RB1: variants seen among roughly 807,000 people sequenced by gnomAD.
RB1 encodes the protein retinoblastoma-associated protein.
In RB1, 18 loss-of-function variants were observed where a neutral mutation model predicts 135.4. The observed-to-expected ratio is 0.13, with a 90% confidence interval of 0.09 to 0.20. The LOEUF (loss-of-function observed/expected upper bound fraction) is 0.20, where lower values mean the gene tolerates loss of function less well. RB1 is among the 10% of genes least tolerant of loss of function. The pLI, the probability that RB1 is intolerant of heterozygous loss-of-function variation, is 1.00. For missense variants in RB1, 868 were observed against 1,110.0 expected (o/e 0.78, Z 3.10); for synonymous variants, 365 against 373.2 (o/e 0.98, Z 0.25).
At chr13:48,317,591 C>T (rs1952197325) in intron 2 of RB1, 1 of 437,780 alleles carries the variant, frequency 2.3e-6, no homozygotes, top group Admixed American at 3.4e-5. Flanking sequence ...TGCTCGGCCC[C>T]TCGTGAGCGC....
At chr13:48,403,438 T>G (rs571826035) in intron 17 of RB1, among the ~76,000 whole-genome samples, 2 of 152,024 alleles carry the variant, frequency 1.3e-5, no homozygotes, top group African/African-American at 4.8e-5. Flanking sequence ...TTCATTTTTT[T>G]AGTATAAAAA....
chr13:48,437,254 A>G (rs1851022946), intron 17 of RB1, among the ~76,000 whole-genome samples: 1 of 152,254 alleles, frequency 6.6e-6, no homozygotes, highest in Non-Finnish European at 1.5e-5. Context: ...GTAGATAAGT[A>G]ATAACATGAG....
rs1270702085 is a variant in RB1, at chr13:48,368,570, G to A, written c.1093G>A (p.Glu365Lys). Residue 365 changes from glutamate (E) to lysine (K), a missense_variant, in exon 11 of 27, where the codon GAG becomes AAG. Physicochemically the swap from Glu to Lys is moderately conservative, Grantham distance 56. Around this residue, in one of 3 missense-constraint regions of RB1, gnomAD observed 641 missense variants for 791.3 expected, o/e 0.81. Transcript: ENST00000267163. ...ACCACGAAAAAGTAACCTTGATGAA[G>A]AGGTGAATGTAATTCCTCCACACAC... Reference protein sequence around the residue: ...RTPRKSNLDEEVNVIPPHTPV... With the variant: ...RTPRKSNLDEKVNVIPPHTPV... 1 of 1,613,326 alleles carries A rather than the reference G, an allele frequency of 6.2e-7. No individual in the cohort carries two copies. Among genetic ancestry groups the A allele is most frequent in the Non-Finnish European group, 8.5e-7 (1 of 1,179,722 alleles).
chr13:48,386,463 C>T (rs185420131), intron 17 of RB1, among the ~76,000 whole-genome samples: 31 of 152,014 alleles, frequency 2.0e-4, no homozygotes, highest in Non-Finnish European at 1.0e-4. Flanking sequence ...TGATAGCTGT[C>T]TTGAGGAAAA....
intron 17 of RB1, chr13:48,422,599 A>G (rs1479071496): frequency 6.6e-6 from 1 of 152,160 alleles, no homozygotes; most frequent in Non-Finnish European, 1.5e-5. Flanking sequence ...ATAGTGTATC[A>G]GCTTTGGCAA....
At chr13:48,391,640 A>G (rs1948611698) in intron 17 of RB1, 2 of 152,114 alleles carry the variant, frequency 1.3e-5, no homozygotes. Flanking sequence ...TCTTTTTGAG[A>G]TGGAGTCTCT....
intron 19 of RB1, 124 bp from the exon 20 acceptor site, chr13:48,459,564 A>C: frequency 3.1e-6 from 3 of 971,150 alleles, no homozygotes; most frequent in Non-Finnish European, 4.9e-6. Context: ...GAGTGGTAGA[A>C]AAGAGGTTTC....
chr13:48,320,238 T>C (rs1952222382), intron 2 of RB1: 11 of 1,098,296 alleles, frequency 1.0e-5, no homozygotes, highest in Non-Finnish European at 1.4e-5. Flanking sequence ...GCTTGGCAGC[T>C]GGCTTGGCGT....
At chr13:48,407,023 C>A (rs1948746472) in intron 17 of RB1, among the ~76,000 whole-genome samples, 2 of 152,184 alleles carry the variant, frequency 1.3e-5, no homozygotes. Flanking sequence ...CATCAGATGA[C>A]CATCAGGCCC....
chr13:48,320,251 G>T, intron 2 of RB1: 1 of 1,148,616 alleles, frequency 8.7e-7, no homozygotes. Context: ...CTTGGCGTCT[G>T]CCCTGTGGCC....
chr13:48,415,772 G>A (rs974939561), intron 17 of RB1: 2 of 152,132 alleles, frequency 1.3e-5, no homozygotes, highest in Non-Finnish European at 2.9e-5. Flanking sequence ...GAATTTTGTT[G>A]CCAGTTGTTT....
chr13:48,401,051 T>C (rs1209784659), intron 17 of RB1, among the ~76,000 whole-genome samples: 2 of 152,082 alleles, frequency 1.3e-5, no homozygotes, highest in Non-Finnish European at 2.9e-5. Context: ...TATATTACAG[T>C]TGGAATTTGT....
In RB1 at chr13:48,307,175, T is replaced by C. The variant is rs538332646; in HGVS notation, c.138-105T>C. 26 of 849,806 alleles carry C rather than the reference T, an allele frequency of 3.1e-5. No individual in the cohort carries two copies. In the African/African-American group the frequency reaches 4.5e-4, roughly 15 times the overall value. The allele number at this position is 849,806 out of a possible 1,614,324, so 52.6% of individuals were successfully genotyped here. ...TAAGATCTTAAAGTATTTAATAATG[T>C]TCTTTTTCACAGTAGTGTTATGTGC... On this transcript the variant is annotated intron_variant, in intron 1 of 26. Coordinates refer to ENST00000267163, the MANE Select transcript of RB1 (RefSeq NM_000321.3).
At chr13:48,394,159 T>A (rs1593464361) in intron 17 of RB1, among the ~76,000 whole-genome samples, 1 of 152,024 alleles carries the variant, frequency 6.6e-6, no homozygotes, top group African/African-American at 2.4e-5. Context: ...GTTGGGGAAC[T>A]CCCTCCCCTA....
intron 6 of RB1, among the ~76,000 whole-genome samples, chr13:48,356,065 T>C (rs892793530): frequency 3.3e-5 from 5 of 152,054 alleles, no homozygotes; most frequent in African/African-American, 4.8e-5. Flanking sequence ...AAGAGTGTAA[T>C]TGGATTGTTT....
At chr13:48,392,504 T>C (rs1006597823) in intron 17 of RB1, among the ~76,000 whole-genome samples, 3 of 152,182 alleles carry the variant, frequency 2.0e-5, no homozygotes, top group Non-Finnish European at 4.4e-5. Flanking sequence ...AGTTTATTAA[T>C]TTTTTTCTTC....
At chr13:48,380,909 G>T (rs373055157) in intron 16 of RB1, among the ~76,000 whole-genome samples, 1 of 152,222 alleles carries the variant, frequency 6.6e-6, no homozygotes, top group South Asian at 2.1e-4. Context: ...TGAAGAATCT[G>T]TCTATCCTCT....
rs1449485001 is a variant in RB1, at chr13:48,306,653, T to G, written c.138-627T>G. 4.6e-5 allele frequency among the ~76,000 whole-genome samples: 7 copies of G among 152,354 alleles called. No individual in the cohort carries two copies. The East Asian group carries it at 1.2e-3, about 25-fold the overall frequency. On this transcript the variant is annotated intron_variant, in intron 1 of 26. Coordinates refer to ENST00000267163, the MANE Select transcript of RB1 (RefSeq NM_000321.3). Reference sequence around the variant, plus strand: ...GTCGGGATTCAGTGAAACCATATGTTTAAGGTACTTTCTACAGGATCATAG... The same window carrying G: ...GTCGGGATTCAGTGAAACCATATGTGTAAGGTACTTTCTACAGGATCATAG...
At chr13:48,378,966 G>A (rs904812148) in intron 13 of RB1, among the ~76,000 whole-genome samples, 3 of 152,102 alleles carry the variant, frequency 2.0e-5, no homozygotes, top group Admixed American at 2.0e-4. Context: ...CTAAAATTTG[G>A]TTATTCTTTC....
Sources: allele counts gnomAD v4.1 joint callset (sites outside exome capture counted in the v4.1 genomes callset), GRCh38; gene constraint gnomAD v4.1.1; regional missense constraint gnomAD v4.1.1; transcripts MANE v1.5; gene names NCBI Gene and HGNC (gene_info 2026-07-23, HGNC 2026-07-21).